The following BMPER variants were observed in gnomAD, a reference collection of about 807,000 sequenced individuals.
BMPER encodes the protein BMP binding endothelial regulator.
BMPER carries 45 observed loss-of-function variants against 87.3 expected under a neutral mutation model. The observed-to-expected ratio is 0.52, with a 90% CI of 0.41 to 0.66. BMPER has a LOEUF of 0.66. Ranked by LOEUF, BMPER falls within the 30% of genes least tolerant of loss-of-function variation. The probability of loss-of-function intolerance (pLI) is 0.00; values close to 1 mark genes in which losing one functional copy is unlikely to be tolerated. For synonymous variants in BMPER, 326 were observed against 316.2 expected (o/e 1.03, Z -0.33); for missense variants, 784 against 867.5 (o/e 0.90, Z 1.21).
At chr7:33,981,619 G>T (rs1020806490) in intron 6 of BMPER, among the ~76,000 whole-genome samples, 3 of 152,158 alleles carry the variant, frequency 2.0e-5, no homozygotes, top group African/African-American at 4.8e-5. Context: ...CTCATAATGG[G>T]TATACATAAT....
chr7:33,968,156 A>G (rs1397614055), intron 4 of BMPER, among the ~76,000 whole-genome samples: 1 of 152,188 alleles, frequency 6.6e-6, no homozygotes, highest in Admixed American at 6.5e-5. Flanking sequence ...GACCTGTAAA[A>G]TGGGGAAGAG....
At chr7:34,029,573 A>G (rs964772319) in intron 6 of BMPER, among the ~76,000 whole-genome samples, 3 of 152,120 alleles carry the variant, frequency 2.0e-5, no homozygotes, top group South Asian at 2.1e-4. Context: ...TTGTGGCCCT[A>G]TGAGGTCCCT....
At chr7:34,114,100 T>C (rs972527067) in intron 13 of BMPER, among the ~76,000 whole-genome samples, 7 of 152,320 alleles carry the variant, frequency 4.6e-5, no homozygotes, top group African/African-American at 1.7e-4. Context: ...TTTAGGCAGC[T>C]GTCTTCATGT....
intron 11 of BMPER, among the ~76,000 whole-genome samples, chr7:34,070,272 A>G (rs184734924): frequency 6.6e-6 from 1 of 152,284 alleles, no homozygotes; most frequent in Admixed American, 6.5e-5. Flanking sequence ...GGAGGGGCTA[A>G]TGGCTGTTTC....
intron 13 of BMPER, among the ~76,000 whole-genome samples, chr7:34,123,993 G>A (rs565817458): frequency 2.0e-5 from 3 of 152,268 alleles, no homozygotes; most frequent in African/African-American, 7.2e-5. Context: ...GGCACATAGA[G>A]AGTACTCAGC....
intron 6 of BMPER, among the ~76,000 whole-genome samples, chr7:34,020,168 T>C (rs1787142549): frequency 6.6e-6 from 1 of 151,900 alleles, no homozygotes. Flanking sequence ...ATCTCCTTAC[T>C]GACTTATTTT....
intron 9 of BMPER, among the ~76,000 whole-genome samples, chr7:34,056,563 C>G (rs912834767): frequency 6.6e-6 from 1 of 151,888 alleles, no homozygotes; most frequent in Admixed American, 6.6e-5. Flanking sequence ...CTCCAGAACA[C>G]CCAGATGAAA....
chr7:33,982,886 C>A (rs1785901816), intron 6 of BMPER, among the ~76,000 whole-genome samples: 1 of 152,030 alleles, frequency 6.6e-6, no homozygotes, highest in Admixed American at 6.6e-5. Flanking sequence ...AGAAAGAGGG[C>A]AAAGGTGGGA....
intron 13 of BMPER, among the ~76,000 whole-genome samples, chr7:34,114,358 G>A (rs117365991): frequency 5.3e-5 from 8 of 152,268 alleles, no homozygotes; most frequent in Non-Finnish European, 1.2e-4. Flanking sequence ...TCTGTTCTTC[G>A]AACCAGATTT....
chr7:34,151,610 A>C (rs931927504), intron 14 of BMPER, among the ~76,000 whole-genome samples: 4 of 152,180 alleles, frequency 2.6e-5, no homozygotes, highest in African/African-American at 9.7e-5. Flanking sequence ...CTACTAACTC[A>C]TCCCTCTGCT....
Position 33,920,164 on chromosome 7 carries a change from C to G in BMPER, c.219+13261C>G, listed in dbSNP as rs564442907. On this transcript the variant is annotated intron_variant, in intron 2 of 14. Transcript: ENST00000649409. ...CCCCTTCCCTGGGCCTCTGCCCCTT[C>G]CTCCCTCAAGTAGCCAATTTGGCTA... 2.0e-5 allele frequency among the ~76,000 whole-genome samples: 3 copies of G among 152,240 alleles called. No individual in the cohort carries two copies. In the South Asian group the frequency reaches 6.2e-4, roughly 32 times the overall value.
intron 8 of BMPER, among the ~76,000 whole-genome samples, chr7:34,052,581 A>C (rs531004923): frequency 3.9e-5 from 6 of 152,362 alleles, no homozygotes; most frequent in African/African-American, 1.4e-4. Flanking sequence ...ACCAAGAAGA[A>C]ATACATTTAT....
intron 6 of BMPER, among the ~76,000 whole-genome samples, chr7:33,984,720 A>C (rs925531235): frequency 6.6e-6 from 1 of 152,170 alleles, no homozygotes; most frequent in African/African-American, 2.4e-5. Flanking sequence ...TGAAATTTGG[A>C]ATAGGGATTA....
chr7:34,120,774 A>C (rs1790245155), intron 13 of BMPER, among the ~76,000 whole-genome samples: 1 of 152,174 alleles, frequency 6.6e-6, no homozygotes, highest in South Asian at 2.1e-4. Context: ...GCTTTAAGAA[A>C]GAATATTATA....
At chr7:34,095,701 T>A (rs923523618) in intron 13 of BMPER, among the ~76,000 whole-genome samples, 2 of 152,244 alleles carry the variant, frequency 1.3e-5, no homozygotes, top group African/African-American at 4.8e-5. Context: ...CAGAGCCAAG[T>A]TTATGACCCA....
At chr7:34,056,060 A>C (rs1396691914) in intron 9 of BMPER, among the ~76,000 whole-genome samples, 1 of 152,232 alleles carries the variant, frequency 6.6e-6, no homozygotes, top group Non-Finnish European at 1.5e-5. Context: ...GTAGCTCTGC[A>C]GGCATGCTGC....
intron 3 of BMPER, among the ~76,000 whole-genome samples, chr7:33,941,842 G>A (rs1348687291): frequency 1.3e-5 from 2 of 152,152 alleles, no homozygotes; most frequent in African/African-American, 2.4e-5. Context: ...GCAGGGGTTG[G>A]GGACCCTTGA....
chr7:33,932,380 C>T (rs1784503820), intron 2 of BMPER, among the ~76,000 whole-genome samples: 1 of 152,238 alleles, frequency 6.6e-6, no homozygotes, highest in African/African-American at 2.4e-5. Context: ...AATACCACAA[C>T]CTCACAGCCT....
intron 9 of BMPER, 129 bp from the exon 10 acceptor site, chr7:34,057,930 C>G: frequency 1.3e-6 from 1 of 752,012 alleles, no homozygotes. Context: ...ACACCTGAGT[C>G]ATTTAGTCTA....
Sources: gnomAD v4.1 joint callset for allele counts (sites outside exome capture counted in the v4.1 genomes callset) on GRCh38, gnomAD v4.1.1 for gene constraint, MANE v1.5 for transcripts, NCBI Gene and HGNC (gene_info 2026-07-23, HGNC 2026-07-21) for gene names.